The following WDR36 variants were observed in gnomAD, a reference collection of about 807,000 sequenced individuals.
WDR36 encodes WD repeat domain 36, also known as WD repeat-containing protein 36.
A neutral mutation model predicts 112.7 loss-of-function variants in WDR36; 63 were observed. The observed-to-expected ratio is 0.56, with a 90% CI of 0.46 to 0.69. The LOEUF is 0.69. Ranked by LOEUF, WDR36 falls within the 30% of genes least tolerant of loss-of-function variation. The probability of loss-of-function intolerance (pLI) is 0.00; values close to 1 mark genes in which losing one functional copy is unlikely to be tolerated. For synonymous variants in WDR36, 410 were observed against 362.2 expected (o/e 1.13, Z -1.50); for missense variants, 1,226 against 1,070.3 (o/e 1.15, Z -2.03).
chr5:111,127,610 T>C lies in WDR36; in HGVS notation c.*727T>C, dbSNP rs1753699641. ...TTAAAACTTTCTAACAGTGGCCTAG[T>C]GCTTTCTCCATTGTAATGTACTGAA... On this transcript the variant is annotated 3_prime_UTR_variant, in exon 23 of 23. Coordinates refer to ENST00000513710, the MANE Select transcript of WDR36 (RefSeq NM_139281.3). The C allele has an allele frequency of 4.8e-6, 1 of 210,298 alleles. No individual in the cohort carries two copies. Among genetic ancestry groups the C allele is most frequent in the Non-Finnish European group, 9.7e-6 (1 of 103,310 alleles). 13.0% of individuals were successfully genotyped at this position (210,298 alleles called of 1,614,324 possible). A position where few individuals can be genotyped will look rare whatever the true frequency, so the allele number is the denominator to read the frequency against.
intron 16 of WDR36, 99 bp from the exon 17 acceptor site, chr5:111,118,914 G>T: frequency 6.7e-6 from 6 of 897,722 alleles, no homozygotes. Context: ...AACATTTTCT[G>T]CATCTCTTAT....
chr5:111,119,136 C>T lies in WDR36; in HGVS notation c.1904+16C>T, dbSNP rs1321236430. The T allele has an allele frequency of 1.9e-6, 3 of 1,580,364 alleles. No homozygotes were observed. The highest frequency in any genetic ancestry group is 2.6e-6 in the Non-Finnish European group (3 of 1,149,772). On this transcript the variant is annotated intron_variant, in intron 17 of 22. Coordinates refer to ENST00000513710, the MANE Select transcript of WDR36 (RefSeq NM_139281.3). ...TTTATCTATGGTAAGTTCTTTCATA[C>T]AGTTCTGTTTTGGGATGAAGAAGAT...
intron 17 of WDR36, 52 bp downstream of exon 17, chr5:111,119,172 GAGAGTT>G: frequency 7.0e-7 from 1 of 1,432,120 alleles, no homozygotes; most frequent in Non-Finnish European, 9.9e-7. Context: ...TGTATTGTCA[GAGAGTT>G]AGAGTTGCTA....
At chr5:111,122,425 A>C (rs573018208) in intron 19 of WDR36, among the ~76,000 whole-genome samples, 1 of 152,332 alleles carries the variant, frequency 6.6e-6, no homozygotes, top group African/African-American at 2.4e-5. Flanking sequence ...ATAAAAGAGA[A>C]TGTACCAAGA....
chr5:111,100,693 A>G lies in WDR36; in HGVS notation c.514A>G (p.Ser172Gly). The G allele has an allele frequency of 6.2e-7, 1 of 1,609,118 alleles. No homozygotes were observed. The change falls in exon 5 of 23, where the codon AGC becomes GGC. Residue 172 changes from serine to glycine, a missense_variant. Coordinates refer to ENST00000513710, the MANE Select transcript of WDR36 (RefSeq NM_139281.3). ...AATACTTCTGGGCAGTGAACAAGGA[A>G]GCCTGCAGTTGTGGAATGTAAAATC... The part of the protein sequence containing the change: ...NKILLGSEQG[S>G]LQLWNVKSNK...
At chr5:111,115,026 T>C (rs1753427786) in intron 16 of WDR36, among the ~76,000 whole-genome samples, 1 of 142,968 alleles carries the variant, frequency 7.0e-6, no homozygotes, top group South Asian at 2.1e-4. Flanking sequence ...ATTTCTTATA[T>C]CAGTAAGAAG....
rs539450069 is a variant in WDR36, at chr5:111,126,769, C to T, written c.2574C>T (p.Leu858=). 2.2e-5 allele frequency: 35 copies of T among 1,613,590 alleles called. 2 individuals carry two copies. In the South Asian group the frequency reaches 3.5e-4, roughly 16 times the overall value. ...AAATGCTTCCTTCAGAGCCAGTACT[C>T]CTAGAAGAAATAACAAATTTGTCAT... ...HLKMLPSEPV[L]LEEITNLSSQ... Residue 858 remains leucine (L), a synonymous_variant, in exon 23 of 23, where the codon CTC becomes CTT. Coordinates refer to ENST00000513710, the MANE Select transcript of WDR36 (RefSeq NM_139281.3).
chr5:111,104,568 C>T lies in WDR36; in HGVS notation c.907-129C>T, dbSNP rs1007023814. On this transcript the variant is annotated intron_variant, in intron 8 of 22. Transcript: ENST00000513710. Reference sequence around the variant, plus strand: ...TTCTCCCCCAATACCCACTCCCTCCCTTGTAGCTCCAGAGTCAGTGGCTTA... The same window carrying T: ...TTCTCCCCCAATACCCACTCCCTCCTTTGTAGCTCCAGAGTCAGTGGCTTA... 16 of 1,461,222 alleles carry T rather than the reference C, an allele frequency of 1.1e-5. 1 individual carries two copies. In the African/African-American group the frequency reaches 1.8e-4, roughly 17 times the overall value. 90.5% of individuals were successfully genotyped at this position (1,461,222 alleles called of 1,614,324 possible).
At chr5:111,103,944 G>C in intron 7 of WDR36, 26 bp downstream of exon 7, 1 of 1,609,200 alleles carries the variant, frequency 6.2e-7, no homozygotes, top group Non-Finnish European at 8.5e-7. Flanking sequence ...CTTATTGATA[G>C]GAGTTAAGAA....
chr5:111,111,071 T>G lies in WDR36; in HGVS notation c.1608-99T>G. ...AATAAAGAACAACATTTGGCTTAAT[T>G]TCCCCCAAAGTGTACTTGATTTAAC... is the stretch of plus-strand genomic sequence containing the variant. On this transcript the variant is annotated intron_variant, in intron 14 of 22. Coordinates refer to ENST00000513710, the MANE Select transcript of WDR36 (RefSeq NM_139281.3). 3.2e-6 allele frequency: 5 copies of G among 1,553,892 alleles called. No individual in the cohort carries two copies. In the South Asian group the frequency reaches 5.6e-5, roughly 17 times the overall value.
At chr5:111,111,149 C>T (rs1368708106) in intron 14 of WDR36, 21 bp from the exon 15 acceptor site, 3 of 1,605,646 alleles carry the variant, frequency 1.9e-6, no homozygotes, top group East Asian at 2.2e-5. Context: ...TTTATTAAAA[C>T]TGGTGCATTT....
intron 5 of WDR36, among the ~76,000 whole-genome samples, 195 bp downstream of exon 5, chr5:111,100,916 T>C (rs1207698164): frequency 1.3e-5 from 2 of 151,918 alleles, no homozygotes; most frequent in East Asian, 3.8e-4. Context: ...AATAAATAAA[T>C]AATAATACAA....
intron 2 of WDR36, 111 bp from the exon 3 acceptor site, chr5:111,096,968 T>G (rs1036738123): frequency 1.4e-6 from 1 of 711,764 alleles, no homozygotes; most frequent in African/African-American, 1.8e-5. Context: ...CTTTGATCTT[T>G]ATTTATATAT....
chr5:111,107,586 T>C (rs1331798299), intron 12 of WDR36, 147 bp downstream of exon 12: 1 of 996,116 alleles, frequency 1.0e-6, no homozygotes, highest in Non-Finnish European at 1.4e-6. Flanking sequence ...CACAAAAATT[T>C]GCTCCTGTGA....
At chr5:111,111,558 A>G (rs1753340636) in intron 15 of WDR36, 5 of 338,902 alleles carry the variant, frequency 1.5e-5, no homozygotes, top group South Asian at 1.2e-4. Flanking sequence ...CCATTGGTAT[A>G]TATGTCATTC....
intron 8 of WDR36, 45 bp downstream of exon 8, chr5:111,104,397 C>A (rs139257410): frequency 1.2e-6 from 2 of 1,608,748 alleles, no homozygotes; most frequent in South Asian, 1.1e-5. Flanking sequence ...TCTAACTTAC[C>A]CTTTGGGTTA....
At chr5:111,104,653 A>C (rs1474556470) in intron 8 of WDR36, 44 bp from the exon 9 acceptor site, 3 of 1,610,320 alleles carry the variant, frequency 1.9e-6, no homozygotes, top group East Asian at 2.2e-5. Context: ...CTTGCAGATC[A>C]GATGGAACAT....
intron 17 of WDR36, among the ~76,000 whole-genome samples, chr5:111,119,870 G>T (rs1353852893): frequency 6.6e-6 from 1 of 152,102 alleles, no homozygotes; most frequent in South Asian, 2.1e-4. Flanking sequence ...GAATAGCTAT[G>T]AGCACTCACA....
At position 111,103,827 on chromosome 5, in the gene WDR36, T is replaced by C; in HGVS notation, c.639T>C (p.Gly213=). 6.2e-7 allele frequency: 1 copy of C among 1,611,324 alleles called. No homozygotes were observed. Residue 213 remains glycine, a synonymous_variant, in exon 7 of 23, where the codon GGT becomes GGC. Transcript: ENST00000513710. ...VDVVAIGLMS[G]QVIIHNIKFN... is the part of the protein sequence containing the mutation. Reference sequence around the variant, plus strand: ...TTGTTGCTATTGGTCTTATGTCAGGTCAAGTTATCATTCACAACATTAAAT... The same window carrying C: ...TTGTTGCTATTGGTCTTATGTCAGGCCAAGTTATCATTCACAACATTAAAT...
Sources: allele counts gnomAD v4.1 joint callset (sites outside exome capture counted in the v4.1 genomes callset), GRCh38; gene constraint gnomAD v4.1.1; transcripts MANE v1.5; gene names NCBI Gene and HGNC (gene_info 2026-07-23, HGNC 2026-07-21).